Variants in CAP2 observed in about 807,000 individuals in gnomAD.
CAP2 encodes the protein adenylyl cyclase-associated protein 2.
A neutral mutation model predicts 57.7 loss-of-function variants in CAP2; 24 were observed. That is an observed-to-expected ratio of 0.42 (90% CI 0.30 to 0.58). The LOEUF (loss-of-function observed/expected upper bound fraction) is 0.58, where lower values mean the gene tolerates loss of function less well. Ranked by LOEUF, CAP2 falls within the 20% of genes least tolerant of loss-of-function variation. The pLI is 0.22. For missense variants in CAP2, 501 were observed against 590.3 expected (o/e 0.85, Z 1.57); for synonymous variants, 194 against 207.2 (o/e 0.94, Z 0.55).
intron 7 of CAP2, among the ~76,000 whole-genome samples, chr6:17,532,603 C>G (rs1235707117): frequency 6.6e-6 from 1 of 151,352 alleles, no homozygotes; most frequent in East Asian, 2.0e-4. Flanking sequence ...AAAAAATTAG[C>G]CAGGCGTGGT....
At chr6:17,548,421 T>G (rs540857152) in intron 11 of CAP2, among the ~76,000 whole-genome samples, 1 of 149,846 alleles carries the variant, frequency 6.7e-6, no homozygotes, top group Non-Finnish European at 1.5e-5. Context: ...GAAAATAAGG[T>G]TGAAACAGCT....
At chr6:17,469,520 TG>T (rs1269995701) in intron 4 of CAP2, among the ~76,000 whole-genome samples, 2 of 152,136 alleles carry the variant, frequency 1.3e-5, no homozygotes, top group East Asian at 3.8e-4. Context: ...TCAGGGAAGA[TG>T]ATTTATGGTC....
intron 3 of CAP2, among the ~76,000 whole-genome samples, chr6:17,437,038 A>G (rs1351025814): frequency 1.3e-5 from 2 of 152,150 alleles, no homozygotes. Flanking sequence ...TCACCCCCAG[A>G]TGGGACTGTC....
intron 4 of CAP2, among the ~76,000 whole-genome samples, chr6:17,506,137 G>A (rs1053477078): frequency 6.6e-5 from 10 of 151,992 alleles, no homozygotes; most frequent in Non-Finnish European, 1.2e-4. Flanking sequence ...GGCCCCAAGC[G>A]ATCTTCCCGC....
rs980144400 is a variant in CAP2, at chr6:17,461,330, G to A, written c.223-1666G>A. On this transcript the variant is annotated intron_variant, in intron 3 of 12. Transcript: ENST00000229922. ...CAGCCTCTGCCACCCAAGTTCACATGATTCTCCTGCCTCAGCCTCCCAAAT... is the reference window on the plus strand; with the variant it reads ...CAGCCTCTGCCACCCAAGTTCACATAATTCTCCTGCCTCAGCCTCCCAAAT... Among the ~76,000 whole-genome samples, 30 of 151,812 alleles carry A rather than the reference G, an allele frequency of 2.0e-4. No individual in the cohort carries two copies. In the Middle Eastern group the frequency reaches 0.01, roughly 52 times the overall value.
At chr6:17,546,219 T>C (rs1047279421) in intron 11 of CAP2, among the ~76,000 whole-genome samples, 2 of 152,216 alleles carry the variant, frequency 1.3e-5, no homozygotes, top group Non-Finnish European at 2.9e-5. Context: ...TTCCTGACTT[T>C]TTAATGACCG....
intron 11 of CAP2, among the ~76,000 whole-genome samples, chr6:17,549,191 C>T (rs12661415): frequency 0.45 from 68,928 of 152,052 alleles, 15,929 homozygotes; most frequent in East Asian, 0.62. Context: ...CTGCTGGGCG[C>T]GGTGGCTCAC....
At chr6:17,434,509 G>T (rs547788853) in intron 3 of CAP2, among the ~76,000 whole-genome samples, 44 of 152,212 alleles carry the variant, frequency 2.9e-4, no homozygotes, top group Non-Finnish European at 5.4e-4. Context: ...GATTACAGGC[G>T]TGAGCCACTG....
At chr6:17,514,003 A>G (rs767937698) in intron 7 of CAP2, 49 bp downstream of exon 7, 8 of 1,086,354 alleles carry the variant, frequency 7.4e-6, no homozygotes, top group Non-Finnish European at 1.1e-5. Flanking sequence ...CCATGACTAT[A>G]TATACACCCT....
At position 17,462,997 on chromosome 6, in the gene CAP2, C is replaced by A; in HGVS notation, c.224C>A (p.Ala75Glu). The change falls in exon 4 of 13, where the codon GCA becomes GAA. Residue 75 changes from alanine to glutamate, a missense_variant and splice_region_variant. Coordinates refer to ENST00000229922, the MANE Select transcript of CAP2 (RefSeq NM_006366.3). ...RILAGDVETH[A>E]EMVHSAFQAQ... is the part of the protein sequence containing the mutation. ...TGCCATCTTCCTCTTTGTTCCCAGG[C>A]AGAAATGGTGCACAGTGCTTTCCAG... The A allele has an allele frequency of 6.2e-7, 1 of 1,613,664 alleles. No homozygotes were observed. Among genetic ancestry groups the A allele is most frequent in the East Asian group, 2.2e-5 (1 of 44,872 alleles).
At chr6:17,448,668 G>T (rs1760324743) in intron 3 of CAP2, among the ~76,000 whole-genome samples, 1 of 152,082 alleles carries the variant, frequency 6.6e-6, no homozygotes, top group Admixed American at 6.5e-5. Context: ...TATAGATTTT[G>T]CAGACTTTTC....
chr6:17,504,077 A>G (rs1319515058), intron 4 of CAP2, among the ~76,000 whole-genome samples: 1 of 152,066 alleles, frequency 6.6e-6, no homozygotes, highest in African/African-American at 2.4e-5. Flanking sequence ...GTCCCTCAGC[A>G]TATGTCAGTT....
chr6:17,441,874 T>G (rs4565308), intron 3 of CAP2, among the ~76,000 whole-genome samples: 95,872 of 151,966 alleles, frequency 0.63, 31,381 homozygotes, highest in East Asian at 0.84. Context: ...AAAGTTCAAA[T>G]TAACTTTAAA....
intron 7 of CAP2, among the ~76,000 whole-genome samples, chr6:17,514,898 A>G (rs1458536649): frequency 2.0e-5 from 3 of 152,056 alleles, no homozygotes; most frequent in Non-Finnish European, 4.4e-5. Flanking sequence ...AAGATGATGT[A>G]TATGTTAAGA....
At chr6:17,423,012 C>T (rs1280288135) in intron 2 of CAP2, among the ~76,000 whole-genome samples, 1 of 152,154 alleles carries the variant, frequency 6.6e-6, no homozygotes, top group Admixed American at 6.5e-5. Context: ...TCAAATTGAA[C>T]CAGGCAATCT....
rs777803474 is a variant in CAP2 at position 17,406,398 on chromosome 6, C to CTTTTTTTTTTTTTTTTTTTTTTTTTTT, written c.-2+12667_-2+12668insTTTTTTTTTTTTTTTTTTTTTTTTTTT. Among the ~76,000 whole-genome samples, 23 of 102,466 alleles carry CTTTTTTTTTTTTTTTTTTTTTTTTTTT rather than the reference C, an allele frequency of 2.2e-4. 8 individuals are homozygous for CTTTTTTTTTTTTTTTTTTTTTTTTTTT. The highest frequency in any genetic ancestry group is 1.1e-3 in the African/African-American group (18 of 16,998). The allele number at this position is 102,466 out of a possible 152,430, so 67.2% of individuals were successfully genotyped here. A position where few individuals can be genotyped will look rare whatever the true frequency, so the allele number is the denominator to read the frequency against. On this transcript the variant is annotated intron_variant, in intron 1 of 12. Coordinates refer to ENST00000229922, the MANE Select transcript of CAP2 (RefSeq NM_006366.3). ...CTTTTCTGTCAGTAAGCCCAGATTTCTTTTTTTTTTTTTTTGAGGCAGTCT... is the reference window on the plus strand; with the variant it reads ...CTTTTCTGTCAGTAAGCCCAGATTTCTTTTTTTTTTTTTTTTTTTTTTTTTTTTTTTTTTTTTTTTTTGAGGCAGTCT...
chr6:17,455,508 G>T (rs1366359066), intron 3 of CAP2, among the ~76,000 whole-genome samples: 1 of 151,616 alleles, frequency 6.6e-6, no homozygotes, highest in Non-Finnish European at 1.5e-5. Flanking sequence ...TCTTCCAAGT[G>T]TACTTTACCT....
intron 4 of CAP2, chr6:17,493,257 G>A (rs1761587005): frequency 5.3e-6 from 1 of 189,190 alleles, no homozygotes; most frequent in African/African-American, 2.3e-5. Flanking sequence ...ATGCAAGCTA[G>A]ACCACCAGCA....
rs142728407 is a variant in CAP2 at position 17,515,034 on chromosome 6, C to T, written c.636+1080C>T. ...CCAACATGGCAAAACCCCATCTCTG[C>T]TAAAAATACAAAAAACAGCCGAGCG... is the stretch of plus-strand genomic sequence containing the variant. On this transcript the variant is annotated intron_variant, in intron 7 of 12. Transcript: ENST00000229922. 3.7e-4 allele frequency among the ~76,000 whole-genome samples: 56 copies of T among 152,012 alleles called. No homozygotes were observed. In the East Asian group the frequency reaches 0.011, roughly 29 times the overall value.
Sources: gnomAD v4.1 joint callset for allele counts (sites outside exome capture counted in the v4.1 genomes callset) on GRCh38, gnomAD v4.1.1 for gene constraint, MANE v1.5 for transcripts, NCBI Gene and HGNC (gene_info 2026-07-23, HGNC 2026-07-21) for gene names.